RCAN3: variants seen among roughly 807,000 people sequenced by gnomAD.
RCAN3 encodes the protein regulator of calcineurin 3, also known as calcipressin-3.
RCAN3 carries 19 observed loss-of-function variants against 21.9 expected under a neutral mutation model. The ratio of observed to expected loss-of-function variants is 0.87; its 90% confidence interval spans 0.61 to 1.27. The LOEUF is 1.27. RCAN3 is among the 50% of genes most tolerant of loss of function. RCAN3 has a pLI of 0.00. For missense variants in RCAN3, 240 were observed against 300.1 expected (o/e 0.80, Z 1.48); for synonymous variants, 114 against 112.3 (o/e 1.01, Z -0.09).
At position 24,514,452 on chromosome 1, in the gene RCAN3, T is replaced by C. The variant is rs766919059; in HGVS notation, c.80T>C (p.Met27Thr). 1 of 1,614,176 alleles carries C rather than the reference T, an allele frequency of 6.2e-7. No homozygotes were observed. The highest frequency in any genetic ancestry group is 1.1e-5 in the South Asian group (1 of 91,084). ...ACTGACCAAGAAGAGGAAGAAGAGA[T>C]GATTTTTGGTGAAAATGAAGATGAT... ...CSTDQEEEEEMIFGENEDDLD... is the reference protein window; with the variant it reads ...CSTDQEEEEETIFGENEDDLD... Residue 27 changes from methionine to threonine, a missense_variant, in exon 2 of 5, where the codon ATG (methionine) becomes ACG (threonine). Physicochemically the swap from Met to Thr is moderately conservative, Grantham distance 81. Coordinates refer to ENST00000374395, the MANE Select transcript of RCAN3 (RefSeq NM_013441.4).
intron 2 of RCAN3, among the ~76,000 whole-genome samples, chr1:24,515,108 C>G (rs1176740573): frequency 6.6e-6 from 1 of 152,200 alleles, no homozygotes; most frequent in Non-Finnish European, 1.5e-5. Flanking sequence ...TTAAGAAGCA[C>G]TGGCATTTAG....
chr1:24,509,197 T>G (rs1457799085), intron 1 of RCAN3, among the ~76,000 whole-genome samples: 1 of 152,192 alleles, frequency 6.6e-6, no homozygotes. Context: ...AGTCGTAATC[T>G]TTTTGTTGGT....
intron 1 of RCAN3, 139 bp from the exon 2 acceptor site, chr1:24,514,175 A>C: frequency 2.2e-6 from 1 of 444,674 alleles, no homozygotes; most frequent in Non-Finnish European, 3.9e-6. Flanking sequence ...CGAGGACTGT[A>C]ATGCATTGAT....
chr1:24,531,669 C>T (rs894526864), intron 3 of RCAN3, among the ~76,000 whole-genome samples: 9 of 152,142 alleles, frequency 5.9e-5, no homozygotes, highest in African/African-American at 1.7e-4. Flanking sequence ...GCGTGGGTTA[C>T]GCCCTGACAC....
chr1:24,514,492 G>A lies in RCAN3; in HGVS notation c.120G>A (p.Met40Ile), dbSNP rs1453074538. 3 of 1,614,072 alleles carry A rather than the reference G, an allele frequency of 1.9e-6. No homozygotes were observed. Among genetic ancestry groups the A allele is most frequent in the Non-Finnish European group, 2.5e-6 (3 of 1,180,008 alleles). The change falls in exon 2 of 5, where the codon ATG becomes ATA. Residue 40 changes from methionine (M) to isoleucine (I), a missense_variant. Physicochemically the swap from Met to Ile is conservative, Grantham distance 10. Coordinates refer to ENST00000374395, the MANE Select transcript of RCAN3 (RefSeq NM_013441.4). ...GENEDDLDEM[M>I]DLSDLPTSLF... ...ATGAAGATGATTTGGATGAGATGAT[G>A]GATTTAAGTGATCTGCCTACCTCAC...
At chr1:24,508,205 G>A (rs1055890824) in intron 1 of RCAN3, among the ~76,000 whole-genome samples, 2 of 152,222 alleles carry the variant, frequency 1.3e-5, no homozygotes, top group African/African-American at 4.8e-5. Context: ...GTACCCATAT[G>A]GATGACTGAT....
At chr1:24,533,597 C>G (rs868232147) in intron 4 of RCAN3, among the ~76,000 whole-genome samples, 1 of 152,056 alleles carries the variant, frequency 6.6e-6, no homozygotes, top group African/African-American at 2.4e-5. Flanking sequence ...GTCAGGAGTT[C>G]GAGACCAACC....
At position 24,525,023 on chromosome 1, in the gene RCAN3, G is replaced by A. The variant is rs1187744367; in HGVS notation, c.196-6195G>A. 6.6e-6 allele frequency among the ~76,000 whole-genome samples: 1 copy of A among 151,708 alleles called. No individual in the cohort carries two copies. Among genetic ancestry groups the A allele is most frequent in the Non-Finnish European group, 1.5e-5 (1 of 67,956 alleles). ...ATTTTTTTTTCAGTCCAAAGCAAAG[G>A]TGTGTGGCAAAATCATGTTCCCAGT... On this transcript the variant is annotated intron_variant, in intron 2 of 4. Coordinates refer to ENST00000374395, the MANE Select transcript of RCAN3 (RefSeq NM_013441.4). The surrounding 1 kb of genome is among the most constrained non-coding windows in gnomAD (Gnocchi z 4.1).
rs1446946783 is a variant in RCAN3 at position 24,536,394 on chromosome 1, G to T, written c.*1117G>T. On this transcript the variant is annotated 3_prime_UTR_variant, in exon 5 of 5. Coordinates refer to ENST00000374395, the MANE Select transcript of RCAN3 (RefSeq NM_013441.4). ...TCTTTTTGTTGAAATTTTGTACCCG[G>T]ATTGCAGTTGGCACTTTTCCTAAAA... The T allele has an allele frequency of 6.6e-6, 1 of 152,144 alleles. No homozygotes were observed. Among genetic ancestry groups the T allele is most frequent in the African/African-American group, 2.4e-5 (1 of 41,422 alleles). The allele number at this position is 152,144 out of a possible 1,614,324, so 9.4% of individuals were successfully genotyped here.
intron 2 of RCAN3, among the ~76,000 whole-genome samples, chr1:24,524,994 C>T (rs1221090819): frequency 1.3e-5 from 2 of 151,888 alleles, no homozygotes; most frequent in African/African-American, 2.4e-5. Context: ...GTGGTGGGCT[C>T]CTCATTTTTT....
At chr1:24,522,766 C>T (rs564659240) in intron 2 of RCAN3, among the ~76,000 whole-genome samples, 27 of 152,186 alleles carry the variant, frequency 1.8e-4, no homozygotes, top group Admixed American at 9.2e-4. Context: ...TTATGTAAGG[C>T]GCTGTTCCAG....
At chr1:24,533,775 A>G (rs577494237) in intron 4 of RCAN3, among the ~76,000 whole-genome samples, 121 of 152,314 alleles carry the variant, frequency 7.9e-4, no homozygotes, top group Non-Finnish European at 1.6e-3. Context: ...ACTCCAGCCT[A>G]GGCAATGAAG....
At chr1:24,509,711 T>A (rs1402754100) in intron 1 of RCAN3, among the ~76,000 whole-genome samples, 1 of 152,174 alleles carries the variant, frequency 6.6e-6, no homozygotes, top group Non-Finnish European at 1.5e-5. Flanking sequence ...CTTCCCAACT[T>A]GTTGATGTTG....
chr1:24,525,722 G>C lies in RCAN3; in HGVS notation c.196-5496G>C, dbSNP rs1005251117. Among the ~76,000 whole-genome samples, 1 of 152,072 alleles carries C rather than the reference G, an allele frequency of 6.6e-6. No homozygotes were observed. Among genetic ancestry groups the C allele is most frequent in the Non-Finnish European group, 1.5e-5 (1 of 68,010 alleles). On this transcript the variant is annotated intron_variant, in intron 2 of 4. Transcript: ENST00000374395. This position sits in a 1 kb window ranked among gnomAD's most constrained non-coding sequence, Gnocchi z 4.1. ...CAGCTGCAGATCCTTCCTGTTTATC[G>C]CAAGTCATTTTCAGTCCATTTTCAT...
chr1:24,535,271 G>C lies in RCAN3; in HGVS notation c.720G>C (p.Ala240=). The change falls in exon 5 of 5, where the codon GCG becomes GCC. Residue 240 remains alanine, a synonymous_variant. Transcript: ENST00000374395. ...ALNEPQTFDC[A]L ...ATGAGCCCCAGACCTTTGATTGCGC[G>C]CTGTGAGGCCCTTGGTTGTGGTGCG... 6.5e-7 allele frequency: 1 copy of C among 1,540,006 alleles called. No individual in the cohort carries two copies. Among genetic ancestry groups the C allele is most frequent in the East Asian group, 2.4e-5 (1 of 42,542 alleles).
At chr1:24,507,762 A>G (rs904664580) in intron 1 of RCAN3, 2 of 152,218 alleles carry the variant, frequency 1.3e-5, no homozygotes, top group Admixed American at 1.3e-4. Context: ...CCTGTGGGCC[A>G]CCCAGATAGA....
intron 1 of RCAN3, among the ~76,000 whole-genome samples, chr1:24,511,243 G>A (rs1233246486): frequency 6.6e-6 from 1 of 152,126 alleles, no homozygotes; most frequent in Non-Finnish European, 1.5e-5. Flanking sequence ...AACCCGGGAG[G>A]CGGAGGCTGC....
chr1:24,524,934 A>G (rs1253444138), intron 2 of RCAN3, among the ~76,000 whole-genome samples: 5 of 151,400 alleles, frequency 3.3e-5, no homozygotes, highest in African/African-American at 1.2e-4. Flanking sequence ...GGTTCAAGCA[A>G]TTCTCGTGCA....
chr1:24,524,289 AAAAATCC>A (rs1649074796), intron 2 of RCAN3, among the ~76,000 whole-genome samples: 1 of 152,224 alleles, frequency 6.6e-6, no homozygotes, highest in Admixed American at 6.5e-5. Context: ...ATTAAAACAT[AAAAATCC>A]ATCTTGAATA....
Sources: allele counts gnomAD v4.1 joint callset (sites outside exome capture counted in the v4.1 genomes callset), GRCh38; gene constraint gnomAD v4.1.1; non-coding constraint Gnocchi (gnomAD v3.1); transcripts MANE v1.5; gene names NCBI Gene and HGNC (gene_info 2026-07-23, HGNC 2026-07-21).